TMTC2: variants seen among roughly 807,000 people sequenced by gnomAD.
The protein encoded by TMTC2 is transmembrane O-mannosyltransferase targeting cadherins 2, also known as protein O-mannosyl-transferase TMTC2.
A neutral mutation model predicts 82.4 loss-of-function variants in TMTC2; 43 were observed. The observed-to-expected ratio is 0.52, with a 90% CI of 0.41 to 0.67. TMTC2 has a LOEUF of 0.67. TMTC2 is among the 30% of genes least tolerant of loss of function. TMTC2 has a pLI of 0.00. For missense variants in TMTC2, 919 were observed against 1,012.4 expected (o/e 0.91, Z 1.25); for synonymous variants, 408 against 381.9 (o/e 1.07, Z -0.80).
chr12:82,929,152 G>A (rs1019506748), intron 3 of TMTC2, among the ~76,000 whole-genome samples: 30 of 152,112 alleles, frequency 2.0e-4, no homozygotes, highest in African/African-American at 7.2e-4. Flanking sequence ...ATGGCTCACT[G>A]TAGCCTCGAC....
At chr12:82,954,753 G>A (rs750851336) in intron 4 of TMTC2, among the ~76,000 whole-genome samples, 5 of 152,120 alleles carry the variant, frequency 3.3e-5, no homozygotes, top group Non-Finnish European at 7.3e-5. Flanking sequence ...GAGGCGAAAG[G>A]CCACTTTACT....
intron 8 of TMTC2, among the ~76,000 whole-genome samples, chr12:83,029,741 T>TGC (rs1881348224): frequency 6.6e-6 from 1 of 152,156 alleles, no homozygotes; most frequent in Admixed American, 6.5e-5. Context: ...TGTGCCATCC[T>TGC]TCTGTGTTAC....
At chr12:82,704,517 GT>G (rs1873249973) in intron 1 of TMTC2, among the ~76,000 whole-genome samples, 1 of 152,104 alleles carries the variant, frequency 6.6e-6, no homozygotes, top group Non-Finnish European at 1.5e-5. Context: ...TTTTGAAACA[GT>G]TTACCAGAAT....
intron 1 of TMTC2, among the ~76,000 whole-genome samples, chr12:82,845,536 G>A (rs1440478509): frequency 6.6e-6 from 1 of 151,812 alleles, no homozygotes; most frequent in Non-Finnish European, 1.5e-5. Context: ...TTCAAATCTG[G>A]AAAATTAGAA....
At chr12:83,072,856 C>T (rs1883164660) in intron 11 of TMTC2, among the ~76,000 whole-genome samples, 1 of 151,990 alleles carries the variant, frequency 6.6e-6, no homozygotes, top group Non-Finnish European at 1.5e-5. Context: ...CATGAAATGC[C>T]TTTTTTCACC....
chr12:83,086,770 TAAA>T (rs938236226), intron 11 of TMTC2, among the ~76,000 whole-genome samples: 5 of 152,330 alleles, frequency 3.3e-5, no homozygotes, highest in African/African-American at 1.2e-4. Flanking sequence ...ATACATACCT[TAAA>T]TAAAAAACAT....
At chr12:83,060,370 C>T (rs1210452651) in intron 10 of TMTC2, among the ~76,000 whole-genome samples, 1 of 151,590 alleles carries the variant, frequency 6.6e-6, no homozygotes, top group Admixed American at 6.6e-5. Flanking sequence ...TTGGCTTGAC[C>T]AAAGTACAAA....
chr12:82,878,207 A>C (rs1172029913), intron 2 of TMTC2, among the ~76,000 whole-genome samples: 1 of 152,210 alleles, frequency 6.6e-6, no homozygotes, highest in Non-Finnish European at 1.5e-5. Flanking sequence ...TCAGTGAACA[A>C]AACATAGATA....
At chr12:83,014,813 G>A (rs185608479) in intron 8 of TMTC2, among the ~76,000 whole-genome samples, 22 of 151,990 alleles carry the variant, frequency 1.4e-4, no homozygotes, top group African/African-American at 4.6e-4. Context: ...TTAAGATTTA[G>A]CTACTGCTAT....
intron 1 of TMTC2, among the ~76,000 whole-genome samples, chr12:82,735,800 A>G (rs1396989182): frequency 6.6e-6 from 1 of 151,964 alleles, no homozygotes; most frequent in Non-Finnish European, 1.5e-5. Context: ...CCCCGTCTCT[A>G]TTAAAAATAC....
At chr12:82,760,492 G>A (rs12369232) in intron 1 of TMTC2, 2 of 91,806 alleles carry the variant, frequency 2.2e-5, no homozygotes, top group African/African-American at 8.2e-5. Flanking sequence ...TTTTTTTCTC[G>A]AAAGCTGTCA....
At chr12:83,047,058 A>G (rs1404091836) in intron 9 of TMTC2, among the ~76,000 whole-genome samples, 1 of 152,220 alleles carries the variant, frequency 6.6e-6, no homozygotes, top group East Asian at 1.9e-4. Flanking sequence ...GGTAGGCCAG[A>G]CAGAACTGGA....
intron 3 of TMTC2, among the ~76,000 whole-genome samples, chr12:82,912,358 A>G (rs1304236219): frequency 2.6e-5 from 4 of 151,598 alleles, no homozygotes; most frequent in Non-Finnish European, 5.9e-5. Flanking sequence ...GGCTCTGTGT[A>G]GGAACTTGGA....
At chr12:82,770,764 C>T (rs1224670053) in intron 1 of TMTC2, among the ~76,000 whole-genome samples, 1 of 152,116 alleles carries the variant, frequency 6.6e-6, no homozygotes, top group Non-Finnish European at 1.5e-5. Context: ...TCGGATTACA[C>T]GGTGTACTTA....
At chr12:83,046,698 AGCACCTG>A in intron 9 of TMTC2, among the ~76,000 whole-genome samples, 1 of 152,090 alleles carries the variant, frequency 6.6e-6, no homozygotes, top group African/African-American at 2.4e-5. Context: ...TTCAGGGAAG[AGCACCTG>A]TCTTTCTTGC....
chr12:83,125,059 G>T (rs897503344), intron 11 of TMTC2, among the ~76,000 whole-genome samples: 2 of 152,138 alleles, frequency 1.3e-5, no homozygotes, highest in African/African-American at 4.8e-5. Context: ...GATACAGAAA[G>T]GCTATAAAGG....
At chr12:82,756,221 G>A (rs1430479919) in intron 1 of TMTC2, among the ~76,000 whole-genome samples, 1 of 152,038 alleles carries the variant, frequency 6.6e-6, no homozygotes, top group South Asian at 2.1e-4. Flanking sequence ...TAAAAAGCTT[G>A]TAAAATTATT....
At chr12:83,027,075 A>T (rs1426804274) in intron 8 of TMTC2, among the ~76,000 whole-genome samples, 1 of 152,020 alleles carries the variant, frequency 6.6e-6, no homozygotes, top group Non-Finnish European at 1.5e-5. Flanking sequence ...GTTGTTTTTA[A>T]TACTCAATAC....
chr12:82,985,986 G>T lies in TMTC2; in HGVS notation c.2010G>T (p.Leu670=), dbSNP rs771736965. 1.2e-6 allele frequency: 2 copies of T among 1,614,026 alleles called. No homozygotes were observed. Among genetic ancestry groups the T allele is most frequent in the South Asian group, 2.2e-5 (2 of 91,074 alleles). Residue 670 remains leucine (L), a synonymous_variant, in exon 8 of 12, where the codon CTG becomes CTT. Transcript: ENST00000321196. ...CAGAGCATTGGTATATGGAATCACT[G>T]AGATCCAAGACTGACCACATCCCTG... ...PEAEHWYMES[L]RSKTDHIPAH... is the part of the protein sequence containing the mutation.
Sources: allele counts gnomAD v4.1 joint callset (sites outside exome capture counted in the v4.1 genomes callset), GRCh38; gene constraint gnomAD v4.1.1; transcripts MANE v1.5; gene names NCBI Gene and HGNC (gene_info 2026-07-23, HGNC 2026-07-21).